Variants in GHITM observed in about 807,000 individuals in gnomAD.
GHITM encodes the protein growth hormone-inducible transmembrane protein.
A neutral mutation model predicts 38.7 loss-of-function variants in GHITM; 24 were observed. That is an observed-to-expected ratio of 0.62 (90% confidence interval 0.45 to 0.87). GHITM has a LOEUF of 0.87. GHITM is among the 40% of genes least tolerant of loss of function. GHITM has a pLI of 0.00. For synonymous variants in GHITM, 154 were observed against 147.8 expected, an observed-to-expected ratio of 1.04 and a Z score of -0.30; for missense variants, 420 against 429.8, an observed-to-expected ratio of 0.98 and a Z score of 0.20.
chr10:84,148,883 C>CCAAAAAAGGTGG, intron 6 of GHITM, 45 bp downstream of exon 6: 1 of 1,159,974 alleles, frequency 8.6e-7, no homozygotes, highest in Non-Finnish European at 1.3e-6. Context: ...TGACTACCAC[C>CCAAAAAAGGTGG]TTTTTTGGGT....
At chr10:84,141,390 C>G in intron 1 of GHITM, 72 bp from the exon 2 acceptor site, 1 of 840,008 alleles carries the variant, frequency 1.2e-6, no homozygotes, top group Non-Finnish European at 1.9e-6. Context: ...TCTCATATGT[C>G]CTTCTCTTAA....
rs1420327186 is a variant in GHITM at position 84,150,093 on chromosome 10, G to A, written c.631G>A (p.Gly211Arg). 1.9e-6 allele frequency: 3 copies of A among 1,609,274 alleles called. No homozygotes were observed. The highest frequency in any genetic ancestry group is 1.7e-6 in the Non-Finnish European group (2 of 1,176,650). The change falls in exon 7 of 9, where the codon GGG (glycine) becomes AGG (arginine). Residue 211 changes from glycine (G) to arginine (R), a missense_variant. Transcript: ENST00000372134. ...AGTGGTGGCTCCTCTGACAATATTA[G>A]GGGGTCCTCTTCTCATCAGAGCTGC... is the stretch of plus-strand genomic sequence containing the variant. ...GAVVAPLTIL[G>R]GPLLIRAAWY...
At chr10:84,141,156 G>A (rs1841502141) in intron 1 of GHITM, among the ~76,000 whole-genome samples, 2 of 152,172 alleles carry the variant, frequency 1.3e-5, no homozygotes, top group African/African-American at 2.4e-5. Flanking sequence ...ATCACGTCCA[G>A]TTATTAACAG....
intron 1 of GHITM, chr10:84,140,341 C>G (rs1841494020): frequency 6.6e-6 from 1 of 152,192 alleles, no homozygotes; most frequent in African/African-American, 2.4e-5. Flanking sequence ...TCGGAGGACG[C>G]TCGGGTATCT....
Position 84,152,308 on chromosome 10 carries a change from T to C in GHITM, c.998T>C (p.Val333Ala). 1 of 1,607,732 alleles carries C rather than the reference T, an allele frequency of 6.2e-7. No homozygotes were observed. The highest frequency in any genetic ancestry group is 8.5e-7 in the Non-Finnish European group (1 of 1,175,352). The change falls in exon 9 of 9, where the codon GTT becomes GCT. Residue 333 changes from valine (V) to alanine (A), a missense_variant. Coordinates refer to ENST00000372134, the MANE Select transcript of GHITM (RefSeq NM_014394.3). ...GATACATTAAATATATTTATGCGAG[T>C]TGCAACTATGCTGGCAACTGGAGGC... ...YMDTLNIFMR[V>A]ATMLATGGNR... is the part of the protein sequence containing the mutation.
Position 84,152,411 on chromosome 10 carries a change from T to C in GHITM, c.*63T>C. The C allele has an allele frequency of 1.2e-6, 1 of 855,420 alleles. No homozygotes were observed. Among genetic ancestry groups the C allele is most frequent in the South Asian group, 1.5e-5 (1 of 68,300 alleles). The allele number at this position is 855,420 out of a possible 1,614,324, so 53.0% of individuals were successfully genotyped here. A position where few individuals can be genotyped will look rare whatever the true frequency, so the allele number is the denominator to read the frequency against. On this transcript the variant is annotated 3_prime_UTR_variant, in exon 9 of 9. Coordinates refer to ENST00000372134, the MANE Select transcript of GHITM (RefSeq NM_014394.3). ...TCTTGTTTAATGGGGCAGATATGCA[T>C]TAAATAGTTTGTACAAGCAGCTTTC...
intron 4 of GHITM, among the ~76,000 whole-genome samples, chr10:84,144,568 G>A (rs996594500): frequency 4.6e-5 from 7 of 152,064 alleles, no homozygotes; most frequent in Admixed American, 3.9e-4. Context: ...TGGCCAGGCT[G>A]GTCTCGATCT....
At chr10:84,145,047 A>G in intron 5 of GHITM, 31 bp downstream of exon 5, 1 of 1,554,662 alleles carries the variant, frequency 6.4e-7, no homozygotes, top group South Asian at 1.2e-5. Flanking sequence ...TTCCTTTTTC[A>G]TCTAAAGATC....
chr10:84,141,379 C>T, intron 1 of GHITM, 83 bp from the exon 2 acceptor site: 1 of 722,106 alleles, frequency 1.4e-6, no homozygotes, highest in Non-Finnish European at 2.3e-6. Flanking sequence ...TTGACTCTGA[C>T]TCTCATATGT....
chr10:84,141,627 A>G lies in GHITM; in HGVS notation c.127A>G (p.Arg43Gly). ...GAATCAATGGCTGTTAACACCTAGC[A>G]GGGTAAAGATAATCTGAATGTTTTT... is the stretch of plus-strand genomic sequence containing the variant. ...TKNQWLLTPS[R>G]EYATKTRIGI... Residue 43 changes from arginine to glycine, a missense_variant and splice_region_variant, in exon 2 of 9, where the codon AGG (arginine) becomes GGG (glycine). By Grantham distance (125) the Arg-to-Gly change is moderately radical (BLOSUM62 -2). Coordinates refer to ENST00000372134, the MANE Select transcript of GHITM (RefSeq NM_014394.3). 6.2e-7 allele frequency: 1 copy of G among 1,613,832 alleles called. No homozygotes were observed. Among genetic ancestry groups the G allele is most frequent in the Non-Finnish European group, 8.5e-7 (1 of 1,179,698 alleles).
At chr10:84,143,408 T>A (rs1004777847) in intron 3 of GHITM, among the ~76,000 whole-genome samples, 1 of 152,228 alleles carries the variant, frequency 6.6e-6, no homozygotes, top group Non-Finnish European at 1.5e-5. Flanking sequence ...GACAGCCTAG[T>A]AATATTCTTA....
chr10:84,148,347 C>T lies in GHITM; in HGVS notation c.484-383C>T, dbSNP rs553322789. Among the ~76,000 whole-genome samples, 132 of 152,120 alleles carry T rather than the reference C, an allele frequency of 8.7e-4. 1 individual carries two copies. Among genetic ancestry groups the T allele is most frequent in the Admixed American group, 2.8e-3 (43 of 15,288 alleles). ...TCGCTCTGTCACCCAGGCTAGAGTG[C>T]AGTGGCACGATCTTGCCTCATTGCA... On this transcript the variant is annotated intron_variant, in intron 5 of 8. Transcript: ENST00000372134.
chr10:84,149,149 T>A (rs1407852073), intron 6 of GHITM, among the ~76,000 whole-genome samples: 1 of 152,212 alleles, frequency 6.6e-6, no homozygotes, highest in Non-Finnish European at 1.5e-5. Context: ...GAGTTGTTTT[T>A]GTCTGGTATG....
Position 84,150,723 on chromosome 10 carries a change from C to A in GHITM, c.796C>A (p.Pro266Thr), listed in dbSNP as rs1366496361. 1 of 1,591,942 alleles carries A rather than the reference C, an allele frequency of 6.3e-7. No homozygotes were observed. The highest frequency in any genetic ancestry group is 1.3e-5 in the African/African-American group (1 of 74,222). Residue 266 changes from proline (P) to threonine (T), a missense_variant, in exon 8 of 9, where the codon CCA becomes ACA. By Grantham distance (38) the Pro-to-Thr change is conservative. Transcript: ENST00000372134. ...FVSSLGSMFL[P>T]PTTVAGATLY... is the part of the protein sequence containing the mutation. ...TTTGATTTCAGGATCTATGTTTCTT[C>A]CACCTACCACCGTGGCTGGTGCCAC...
chr10:84,141,768 C>T (rs1841509589), intron 2 of GHITM, 139 bp downstream of exon 2: 1 of 763,626 alleles, frequency 1.3e-6, no homozygotes, highest in Admixed American at 2.1e-5. Context: ...TCTTTCTCCC[C>T]ATTAGTTTGT....
At position 84,150,102 on chromosome 10, in the gene GHITM, C is replaced by G. The variant is rs1321210796; in HGVS notation, c.640C>G (p.Leu214Val). ...TCCTCTGACAATATTAGGGGGTCCT[C>G]TTCTCATCAGAGCTGCATGGTACAC... is the stretch of plus-strand genomic sequence containing the variant. ...VAPLTILGGP[L>V]LIRAAWYTAG... Residue 214 changes from leucine (L) to valine (V), a missense_variant, in exon 7 of 9, where the codon CTT becomes GTT. By Grantham distance (32) the Leu-to-Val change is conservative. Transcript: ENST00000372134. 6.2e-7 allele frequency: 1 copy of G among 1,612,396 alleles called. No homozygotes were observed. The highest frequency in any genetic ancestry group is 1.1e-5 in the South Asian group (1 of 90,930).
At chr10:84,145,038 T>C in intron 5 of GHITM, 22 bp downstream of exon 5, 1 of 1,567,870 alleles carries the variant, frequency 6.4e-7, no homozygotes, top group East Asian at 2.3e-5. Context: ...GTTTTTGTTT[T>C]CCTTTTTCAT....
Position 84,152,281 on chromosome 10 carries a change from T to C in GHITM, c.971T>C (p.Met324Thr). Reference sequence around the variant, plus strand: ...TTTTCTAGGATGCTGAGTATCTACATGGATACATTAAATATATTTATGCGA... The same window carrying C: ...TTTTCTAGGATGCTGAGTATCTACACGGATACATTAAATATATTTATGCGA... Reference protein sequence around the residue: ...DPINSMLSIYMDTLNIFMRVA... With the variant: ...DPINSMLSIYTDTLNIFMRVA... Residue 324 changes from methionine to threonine, a missense_variant, in exon 9 of 9, where the codon ATG (methionine) becomes ACG (threonine). Transcript: ENST00000372134. The C allele has an allele frequency of 6.3e-7, 1 of 1,590,930 alleles. No individual in the cohort carries two copies. Among genetic ancestry groups the C allele is most frequent in the Non-Finnish European group, 8.6e-7 (1 of 1,160,316 alleles).
intron 3 of GHITM, among the ~76,000 whole-genome samples, chr10:84,143,235 C>A (rs1841525602): frequency 6.6e-6 from 1 of 152,174 alleles, no homozygotes; most frequent in Admixed American, 6.5e-5. Flanking sequence ...TTTGCAAGTT[C>A]AGAAACTAGA....
Sources: gnomAD v4.1 joint callset for allele counts (sites outside exome capture counted in the v4.1 genomes callset) on GRCh38, gnomAD v4.1.1 for gene constraint, MANE v1.5 for transcripts, NCBI Gene and HGNC (gene_info 2026-07-23, HGNC 2026-07-21) for gene names.